Variants in ORC4 observed in about 807,000 individuals in gnomAD.
ORC4 encodes origin recognition complex, subunit 4 homolog.
A neutral mutation model predicts 63.9 loss-of-function variants in ORC4; 55 were observed. That is an observed-to-expected ratio of 0.86 (90% CI 0.69 to 1.08). The LOEUF (loss-of-function observed/expected upper bound fraction) is 1.08. ORC4 is among the 50% of genes least tolerant of loss of function. The pLI is 0.00. For synonymous variants in ORC4, 150 were observed against 168.5 expected (o/e 0.89, Z 0.85); for missense variants, 511 against 504.4 (o/e 1.01, Z -0.13).
chr2:148,007,604 T>C (rs955660637), intron 1 of ORC4, among the ~76,000 whole-genome samples: 1 of 151,840 alleles, frequency 6.6e-6, no homozygotes, highest in East Asian at 1.9e-4. Flanking sequence ...AATCTAAGAG[T>C]TACTGGCCTT....
intron 9 of ORC4, among the ~76,000 whole-genome samples, chr2:147,945,486 G>A (rs946488788): frequency 1.3e-5 from 2 of 151,942 alleles, no homozygotes; most frequent in Non-Finnish European, 2.9e-5. Context: ...CTCTATTTGA[G>A]GATAAGGCTA....
chr2:147,973,308 T>C, intron 3 of ORC4, 140 bp downstream of exon 3: 1 of 677,194 alleles, frequency 1.5e-6, no homozygotes, highest in South Asian at 1.7e-5. Flanking sequence ...GTGGTGTTTC[T>C]ATTCACAAAG....
chr2:147,938,054 T>C (rs943356574), intron 13 of ORC4, 92 bp downstream of exon 13: 6 of 847,620 alleles, frequency 7.1e-6, no homozygotes, highest in Non-Finnish European at 1.2e-5. Context: ...ATACTTAATG[T>C]TTAAAAATGA....
chr2:147,953,566 A>T (rs1188994136), intron 7 of ORC4, among the ~76,000 whole-genome samples: 5 of 152,196 alleles, frequency 3.3e-5, no homozygotes, highest in Non-Finnish European at 5.9e-5. Context: ...TAGAAATACA[A>T]GGTACATTTC....
chr2:147,957,140 A>G (rs936161127), intron 6 of ORC4, among the ~76,000 whole-genome samples: 64 of 147,732 alleles, frequency 4.3e-4, no homozygotes, highest in African/African-American at 1.6e-3. Flanking sequence ...ATAATCTATA[A>G]TTACATATAA....
intron 1 of ORC4, among the ~76,000 whole-genome samples, chr2:147,982,494 A>G (rs1690943376): frequency 6.6e-6 from 1 of 152,246 alleles, no homozygotes. Context: ...ATGAATTAAG[A>G]AAGAATTACT....
At chr2:148,009,909 A>T (rs1050447093) in intron 1 of ORC4, among the ~76,000 whole-genome samples, 2 of 152,212 alleles carry the variant, frequency 1.3e-5, no homozygotes, top group African/African-American at 4.8e-5. Flanking sequence ...AAAAACATAG[A>T]TAGACCAAAA....
At chr2:147,954,267 A>C (rs774159517) in intron 7 of ORC4, among the ~76,000 whole-genome samples, 1 of 152,206 alleles carries the variant, frequency 6.6e-6, no homozygotes. Flanking sequence ...TAGGTCAAAG[A>C]CCCAACAGGA....
At chr2:147,994,126 A>G (rs1691792949) in intron 1 of ORC4, among the ~76,000 whole-genome samples, 1 of 152,232 alleles carries the variant, frequency 6.6e-6, no homozygotes, top group Admixed American at 6.5e-5. Flanking sequence ...AACAAAAAAC[A>G]TTCACCAAAA....
intron 1 of ORC4, among the ~76,000 whole-genome samples, chr2:147,990,977 T>C (rs747864712): frequency 2.6e-5 from 4 of 152,060 alleles, no homozygotes; most frequent in African/African-American, 7.2e-5. Context: ...TGGAATCATA[T>C]ATACACAGAC....
At chr2:147,969,682 A>C (rs1690095514) in intron 4 of ORC4, among the ~76,000 whole-genome samples, 1 of 151,966 alleles carries the variant, frequency 6.6e-6, no homozygotes, top group African/African-American at 2.4e-5. Flanking sequence ...AGATTTAAGA[A>C]CTGAATATTC....
intron 7 of ORC4, among the ~76,000 whole-genome samples, chr2:147,954,015 G>T (rs188559942): frequency 0.013 from 1,908 of 151,038 alleles, 41 homozygotes; most frequent in African/African-American, 0.043. Context: ...CTACTTTACA[G>T]GTAAAATCAG....
Position 147,935,629 on chromosome 2 carries a change from C to A in ORC4, c.1192G>T (p.Glu398Ter). 1 of 1,613,628 alleles carries A rather than the reference C, an allele frequency of 6.2e-7. No individual in the cohort carries two copies. Among genetic ancestry groups the A allele is most frequent in the Non-Finnish European group, 8.5e-7 (1 of 1,179,690 alleles). The change falls in exon 14 of 14, where the codon GAG becomes TAG. Residue 398 changes from glutamate (E) to a stop codon, truncating the protein, a stop_gained. Coordinates refer to ENST00000392857, the MANE Select transcript of ORC4 (RefSeq NM_181741.4). LOFTEE classifies it high-confidence loss of function. ...AAAAGCAGTTTCATCAGCTGGTACT[C>A]TCTCTGTGAATTTCCTGAAGTTCTT... ...MERTSGNSQR[E>*]YQLMKLLLDN...
intron 4 of ORC4, among the ~76,000 whole-genome samples, chr2:147,970,423 TTACC>T (rs1690146221): frequency 6.6e-6 from 1 of 152,078 alleles, no homozygotes; most frequent in South Asian, 2.1e-4. Context: ...CTGACAGTAC[TTACC>T]TTAAAGACTC....
intron 4 of ORC4, among the ~76,000 whole-genome samples, chr2:147,966,333 T>C (rs1689890702): frequency 6.6e-6 from 1 of 151,724 alleles, no homozygotes; most frequent in African/African-American, 2.4e-5. Flanking sequence ...AATTAAAAAA[T>C]CTAACAATGT....
chr2:147,950,486 G>A (rs1688889767), intron 8 of ORC4, among the ~76,000 whole-genome samples: 1 of 152,136 alleles, frequency 6.6e-6, no homozygotes, highest in South Asian at 2.1e-4. Flanking sequence ...TATACTTGAG[G>A]CCAGGCGCAG....
At chr2:147,955,320 GA>G in intron 7 of ORC4, 26 bp downstream of exon 7, 1 of 1,512,990 alleles carries the variant, frequency 6.6e-7, no homozygotes, top group Non-Finnish European at 9.1e-7. Flanking sequence ...CAGATCTTCT[GA>G]AACGGCTGAA....
chr2:147,957,823 T>C (rs143807114), intron 6 of ORC4, among the ~76,000 whole-genome samples: 45 of 152,250 alleles, frequency 3.0e-4, no homozygotes, highest in African/African-American at 1.1e-3. Context: ...AATTCAGAGA[T>C]ACTTGTTAGC....
In ORC4 at chr2:147,931,679, C is replaced by T. The variant is rs1364832362; in HGVS notation, c.*3831G>A. On this transcript the variant is annotated 3_prime_UTR_variant, in exon 14 of 14. Coordinates refer to ENST00000392857, the MANE Select transcript of ORC4 (RefSeq NM_181741.4). ...ACGCAAATCAATGAATGTAATCCAG[C>T]ATATAAACAGAGCCAAAGACAAAAA... 2 of 152,048 alleles carry T rather than the reference C, an allele frequency of 1.3e-5. No homozygotes were observed. Among genetic ancestry groups the T allele is most frequent in the Non-Finnish European group, 2.9e-5 (2 of 68,018 alleles). 9.4% of individuals were successfully genotyped at this position (152,048 alleles called of 1,614,324 possible). A position where few individuals can be genotyped will look rare whatever the true frequency, so the allele number is the denominator to read the frequency against.
Sources: allele counts gnomAD v4.1 joint callset (sites outside exome capture counted in the v4.1 genomes callset), GRCh38; gene constraint gnomAD v4.1.1; transcripts MANE v1.5; gene names NCBI Gene and HGNC (gene_info 2026-07-23, HGNC 2026-07-21).